SHANK2: variants seen among roughly 807,000 people sequenced by gnomAD.
The protein encoded by SHANK2 is SH3 and multiple ankyrin repeat domains 2.
SHANK2 carries 43 observed loss-of-function variants against 133.7 expected under a neutral mutation model. The ratio of observed to expected loss-of-function variants is 0.32; its 90% CI spans 0.25 to 0.41. SHANK2 has a LOEUF of 0.41. SHANK2 is among the 10% of genes least tolerant of loss of function. The probability of loss-of-function intolerance (pLI) is 1.00; values close to 1 mark genes in which losing one functional copy is unlikely to be tolerated. For missense variants in SHANK2, 1,994 were observed against 2,235.8 expected (o/e 0.89, Z 2.18); for synonymous variants, 1,017 against 952.8 (o/e 1.07, Z -1.24).
chr11:71,167,732 A>G (rs1953200934), intron 2 of SHANK2, among the ~76,000 whole-genome samples: 1 of 132,066 alleles, frequency 7.6e-6, no homozygotes, highest in African/African-American at 2.9e-5. Context: ...CTCACTTCCC[A>G]GTAGGGGCGG....
chr11:70,479,578 T>C lies in SHANK2; in HGVS notation c.4979+5736A>G, dbSNP rs1711520031. Among the ~76,000 whole-genome samples the C allele has an allele frequency of 6.6e-6, 1 of 152,202 alleles. No homozygotes were observed. The highest frequency in any genetic ancestry group is 1.5e-5 in the Non-Finnish European group (1 of 68,034). On this transcript the variant is annotated intron_variant, in intron 25 of 25. Transcript: ENST00000601538. This position sits in a 1 kb window ranked among gnomAD's most constrained non-coding sequence, Gnocchi z 4.4. ...AGCGAAGGCCAATCTCGAGGTCCCT[T>C]CTGGACCCCACCCACTGCAAAGGGC...
chr11:70,504,189 T>C (rs1005516938), intron 17 of SHANK2, among the ~76,000 whole-genome samples: 1 of 152,222 alleles, frequency 6.6e-6, no homozygotes, highest in Admixed American at 6.5e-5. Flanking sequence ...ACGCATATCC[T>C]CCTGCTATAG....
In SHANK2 at chr11:70,479,963, GC is replaced by G. The variant is rs1449806846; in HGVS notation, c.4979+5350del. ...CTCCCTGCTTGTCTCCAGAATGCAG[GC>G]CCTACACTCCCACAGCAGCCTCCCT... On this transcript the variant is annotated intron_variant, in intron 25 of 25. Coordinates refer to ENST00000601538, the MANE Select transcript of SHANK2 (RefSeq NM_012309.5). The surrounding 1 kb of genome is among the most constrained non-coding windows in gnomAD (Gnocchi z 4.4). Among the ~76,000 whole-genome samples, 3 of 151,986 alleles carry G rather than the reference GC, an allele frequency of 2.0e-5. No homozygotes were observed. The highest frequency in any genetic ancestry group is 7.3e-5 in the African/African-American group (3 of 41,366).
chr11:70,646,824 ATTTAT>A (rs782050695), intron 17 of SHANK2, among the ~76,000 whole-genome samples: 2,023 of 70,648 alleles, frequency 0.029, 46 homozygotes, highest in African/African-American at 0.11. Context: ...TCTAACTTTT[ATTTAT>A]TTTATTTATT....
chr11:70,620,426 G>A (rs1480785951), intron 17 of SHANK2, among the ~76,000 whole-genome samples: 2 of 152,182 alleles, frequency 1.3e-5, no homozygotes, highest in Non-Finnish European at 1.5e-5. Context: ...AAGCAGAACA[G>A]GTAATCCCAT....
intron 15 of SHANK2, among the ~76,000 whole-genome samples, chr11:70,679,654 G>C (rs1239504466): frequency 1.3e-5 from 2 of 152,250 alleles, no homozygotes; most frequent in Admixed American, 1.3e-4. Context: ...GGAGGCTTGG[G>C]AGGCCCGGTG....
chr11:71,163,321 G>A (rs1222900132), intron 2 of SHANK2, among the ~76,000 whole-genome samples: 1 of 151,960 alleles, frequency 6.6e-6, no homozygotes, highest in Non-Finnish European at 1.5e-5. Flanking sequence ...GAAATTAGAT[G>A]ACCATGGCAC....
At chr11:70,893,213 C>T (rs1191383319) in intron 11 of SHANK2, among the ~76,000 whole-genome samples, 4 of 152,220 alleles carry the variant, frequency 2.6e-5, no homozygotes, top group Non-Finnish European at 5.9e-5. Flanking sequence ...CATTCATTCA[C>T]CCAGAAGTTG....
At chr11:70,745,692 C>A (rs1946623706) in intron 14 of SHANK2, among the ~76,000 whole-genome samples, 1 of 152,188 alleles carries the variant, frequency 6.6e-6, no homozygotes. Context: ...GCCTGGCCCC[C>A]ACCTGGCCCA....
At chr11:70,924,746 C>T (rs1003876619) in intron 10 of SHANK2, among the ~76,000 whole-genome samples, 3 of 152,114 alleles carry the variant, frequency 2.0e-5, no homozygotes, top group South Asian at 2.1e-4. Context: ...CTTGAGCCAC[C>T]GTACCCAGCC....
chr11:70,644,166 A>G (rs1160197629), intron 17 of SHANK2, among the ~76,000 whole-genome samples: 1 of 152,246 alleles, frequency 6.6e-6, no homozygotes, highest in African/African-American at 2.4e-5. Flanking sequence ...ATTTAAAAAA[A>G]TGTAGTAGAA....
At chr11:71,215,349 T>G (rs181310831) in intron 2 of SHANK2, among the ~76,000 whole-genome samples, 50 of 152,206 alleles carry the variant, frequency 3.3e-4, no homozygotes, top group African/African-American at 1.1e-3. Flanking sequence ...TCACCCTGTC[T>G]GAACACGCCA....
intron 14 of SHANK2, among the ~76,000 whole-genome samples, chr11:70,703,315 G>A (rs1291627430): frequency 5.3e-5 from 8 of 152,234 alleles, no homozygotes; most frequent in East Asian, 1.9e-4. Flanking sequence ...TGCAGCCTCC[G>A]GGGGTAGTAC....
intron 17 of SHANK2, among the ~76,000 whole-genome samples, chr11:70,547,889 G>A (rs184862412): frequency 6.6e-6 from 1 of 152,346 alleles, no homozygotes; most frequent in Non-Finnish European, 1.5e-5. Context: ...CCGAGGCTGA[G>A]CTTCATGGCA....
chr11:70,672,171 C>T (rs1213704428), intron 15 of SHANK2, among the ~76,000 whole-genome samples: 3 of 150,720 alleles, frequency 2.0e-5, no homozygotes, highest in Non-Finnish European at 4.4e-5. Flanking sequence ...TCAAGCGATT[C>T]TCCTGCCCCA....
chr11:70,831,734 T>C (rs1281425952), intron 11 of SHANK2, among the ~76,000 whole-genome samples: 4 of 152,264 alleles, frequency 2.6e-5, no homozygotes, highest in African/African-American at 9.6e-5. Context: ...TACCAGGTGT[T>C]ATAAACATGC....
Position 71,140,234 on chromosome 11 carries a change from G to C in SHANK2, c.207+6886C>G, listed in dbSNP as rs1466756605. Among the ~76,000 whole-genome samples the C allele has an allele frequency of 7.9e-5, 12 of 152,346 alleles. No homozygotes were observed. The South Asian group carries it at 8.3e-4, about 11-fold the overall frequency. The stretch of plus-strand genomic sequence containing the variant: ...ACAGAGTGAAGCAAAGTGGTCTTCA[G>C]AAGGTTCCAGAAACAACCAGGCTCC... On this transcript the variant is annotated intron_variant, in intron 3 of 25. Transcript: ENST00000601538.
chr11:71,168,581 A>G (rs1384389066), intron 2 of SHANK2, among the ~76,000 whole-genome samples: 1 of 152,146 alleles, frequency 6.6e-6, no homozygotes, highest in Non-Finnish European at 1.5e-5. Context: ...CCGGCACTTC[A>G]GGATGCCGAG....
chr11:71,083,962 G>T (rs1329353437), intron 8 of SHANK2, among the ~76,000 whole-genome samples: 2 of 105,468 alleles, frequency 1.9e-5, no homozygotes, highest in Non-Finnish European at 1.9e-5. Flanking sequence ...AGGGTAATTT[G>T]AATAACAACT....
Sources: allele counts gnomAD v4.1 joint callset (sites outside exome capture counted in the v4.1 genomes callset), GRCh38; gene constraint gnomAD v4.1.1; non-coding constraint Gnocchi (gnomAD v3.1); transcripts MANE v1.5; gene names NCBI Gene and HGNC (gene_info 2026-07-23, HGNC 2026-07-21).